MOCOS: variants seen among roughly 807,000 people sequenced by gnomAD.
The protein encoded by MOCOS is human molybdenum cofactor sulfurase.
MOCOS carries 86 observed loss-of-function variants against 83.6 expected under a neutral mutation model. That is an observed-to-expected ratio of 1.03 (90% CI 0.86 to 1.23). The LOEUF is 1.23. Among genes scored for constraint, MOCOS ranks in the 50% most tolerant of loss-of-function variants. The probability of loss-of-function intolerance (pLI) is 0.00; values close to 1 mark genes in which losing one functional copy is unlikely to be tolerated. For synonymous variants in MOCOS, 445 were observed against 434.7 expected (o/e 1.02, Z -0.29); for missense variants, 1,120 against 1,126.9 (o/e 0.99, Z 0.09).
chr18:36,192,213 A>G (rs2091368637), intron 1 of MOCOS, among the ~76,000 whole-genome samples: 1 of 152,260 alleles, frequency 6.6e-6, no homozygotes, highest in Admixed American at 6.5e-5. Context: ...AAAAATTTCA[A>G]GGAATCCACA....
chr18:36,213,475 A>C lies in MOCOS; in HGVS notation c.1328A>C (p.His443Pro), dbSNP rs755875291. 1.7e-5 allele frequency: 28 copies of C among 1,613,346 alleles called. No homozygotes were observed. The highest frequency in any genetic ancestry group is 2.3e-5 in the Non-Finnish European group (27 of 1,179,710). Residue 443 changes from histidine to proline, a missense_variant, in exon 7 of 15, where the codon CAT (histidine) becomes CCT (proline). His to Pro is a moderately conservative substitution (Grantham distance 77). Transcript: ENST00000261326. ...ATAAGCAACGAGATGGTCAGGAAGCATTTTCAGGTTGGTACAGGGCTCTGC... is the reference window on the plus strand; with the variant it reads ...ATAAGCAACGAGATGGTCAGGAAGCCTTTTCAGGTTGGTACAGGGCTCTGC... ...LGISNEMVRK[H>P]FQAGHVCGDN...
At chr18:36,266,004 T>C (rs2091680462) in intron 13 of MOCOS, among the ~76,000 whole-genome samples, 1 of 152,198 alleles carries the variant, frequency 6.6e-6, no homozygotes, top group African/African-American at 2.4e-5. Flanking sequence ...GATAAATCTT[T>C]GTCCATGACT....
At chr18:36,220,339 CT>C in intron 9 of MOCOS, 122 bp downstream of exon 9, 7 of 1,050,562 alleles carry the variant, frequency 6.7e-6, no homozygotes, top group Admixed American at 2.7e-5. Context: ...GACCTCATCT[CT>C]ACAAAAAAAA....
At chr18:36,196,071 G>A (rs1420643115) in intron 2 of MOCOS, among the ~76,000 whole-genome samples, 1 of 152,196 alleles carries the variant, frequency 6.6e-6, no homozygotes, top group African/African-American at 2.4e-5. Flanking sequence ...GAACACGGAA[G>A]GGAGAAGAGT....
At chr18:36,210,984 G>C (rs570557520) in intron 6 of MOCOS, among the ~76,000 whole-genome samples, 2 of 152,014 alleles carry the variant, frequency 1.3e-5, no homozygotes, top group East Asian at 3.9e-4. Flanking sequence ...GGTGTCTGGG[G>C]ACTCTCATTC....
In MOCOS at chr18:36,266,745, C is replaced by T. The variant is rs774479721; in HGVS notation, c.2410-4C>T. The T allele has an allele frequency of 1.1e-5, 18 of 1,613,606 alleles. No individual in the cohort carries two copies. The highest frequency in any genetic ancestry group is 1.5e-5 in the Non-Finnish European group (18 of 1,179,794). ...AACGCTGTGTTTTCCTTCTCACCTG[C>T]CAGGTTTTGGGGCCTTGTCACAGAT... On this transcript the variant is annotated splice_polypyrimidine_tract_variant and splice_region_variant and intron_variant, in intron 13 of 14. Coordinates refer to ENST00000261326, the MANE Select transcript of MOCOS (RefSeq NM_017947.4).
intron 9 of MOCOS, among the ~76,000 whole-genome samples, chr18:36,245,032 G>A (rs760926670): frequency 1.3e-5 from 2 of 152,122 alleles, no homozygotes; most frequent in Non-Finnish European, 2.9e-5. Context: ...TGTTAGGTGA[G>A]TCTCTTGAAG....
chr18:36,221,372 C>T (rs1013296887), intron 9 of MOCOS, among the ~76,000 whole-genome samples: 2 of 152,158 alleles, frequency 1.3e-5, no homozygotes, highest in African/African-American at 2.4e-5. Context: ...GGTCCTCCTC[C>T]TCCTCTTCCT....
At chr18:36,248,298 T>C (rs2091609879) in intron 9 of MOCOS, among the ~76,000 whole-genome samples, 1 of 152,230 alleles carries the variant, frequency 6.6e-6, no homozygotes, top group Non-Finnish European at 1.5e-5. Flanking sequence ...ATTGAATTAC[T>C]TGTTTTTTTT....
At chr18:36,191,918 T>C (rs1456026182) in intron 1 of MOCOS, among the ~76,000 whole-genome samples, 1 of 152,214 alleles carries the variant, frequency 6.6e-6, no homozygotes, top group Non-Finnish European at 1.5e-5. Context: ...AAATATTTCT[T>C]GAATGCAAAT....
chr18:36,240,875 G>A (rs769581492), intron 9 of MOCOS, among the ~76,000 whole-genome samples: 15 of 152,256 alleles, frequency 9.9e-5, no homozygotes, highest in Admixed American at 8.5e-4. Flanking sequence ...CGCAGTATTC[G>A]GGTGGGAATG....
chr18:36,195,110 A>T (rs1746671559), intron 1 of MOCOS, 147 bp from the exon 2 acceptor site: 1 of 726,718 alleles, frequency 1.4e-6, no homozygotes, highest in Non-Finnish European at 2.5e-6. Context: ...TCCACTGCTC[A>T]TGCCTACACT....
rs1427322936 is a variant in MOCOS, at chr18:36,259,506, T to C, written c.2271-531T>C. On this transcript the variant is annotated intron_variant, in intron 12 of 14. Coordinates refer to ENST00000261326, the MANE Select transcript of MOCOS (RefSeq NM_017947.4). ...AGCAGATGTTACACTGCAAATAGAA[T>C]GGAAATTAGGAAATACTATCTTCTT... Among the ~76,000 whole-genome samples the C allele has an allele frequency of 4.9e-5, 7 of 142,482 alleles. No individual in the cohort carries two copies. The East Asian group carries it at 1.4e-3, about 29-fold the overall frequency. 93.5% of individuals were successfully genotyped at this position (142,482 alleles called of 152,430 possible).
chr18:36,216,289 T>G (rs1264079020), intron 8 of MOCOS, among the ~76,000 whole-genome samples: 1 of 152,210 alleles, frequency 6.6e-6, no homozygotes, highest in Non-Finnish European at 1.5e-5. Flanking sequence ...TTTCATTTGA[T>G]CCTTAAAATG....
intron 9 of MOCOS, among the ~76,000 whole-genome samples, chr18:36,228,888 C>T (rs2091527944): frequency 6.7e-6 from 1 of 149,386 alleles, no homozygotes; most frequent in African/African-American, 2.5e-5. Flanking sequence ...AAGCTGGTTT[C>T]AAACTCCTGG....
intron 9 of MOCOS, among the ~76,000 whole-genome samples, chr18:36,244,992 C>T (rs2091597471): frequency 6.6e-6 from 1 of 152,120 alleles, no homozygotes; most frequent in Admixed American, 6.6e-5. Context: ...TTTTTCCACC[C>T]CTTTCATCAA....
chr18:36,243,218 A>G (rs545289133), intron 9 of MOCOS, among the ~76,000 whole-genome samples: 14 of 152,298 alleles, frequency 9.2e-5, no homozygotes, highest in Non-Finnish European at 1.6e-4. Flanking sequence ...ATCATTGGCA[A>G]ACAGGGACAG....
intron 11 of MOCOS, among the ~76,000 whole-genome samples, chr18:36,251,924 T>C (rs2091623681): frequency 1.3e-5 from 2 of 152,192 alleles, no homozygotes; most frequent in African/African-American, 4.8e-5. Context: ...TGTACCTGAA[T>C]CTGCAGCAAC....
At chr18:36,239,166 A>T (rs1369018788) in intron 9 of MOCOS, among the ~76,000 whole-genome samples, 54 of 151,946 alleles carry the variant, frequency 3.6e-4, no homozygotes, top group African/African-American at 2.9e-4. Context: ...TGTGAATTTG[A>T]TCCTGTCATT....
Sources: gnomAD v4.1 joint callset for allele counts (sites outside exome capture counted in the v4.1 genomes callset) on GRCh38, gnomAD v4.1.1 for gene constraint, MANE v1.5 for transcripts, NCBI Gene and HGNC (gene_info 2026-07-23, HGNC 2026-07-21) for gene names.